GRIP1: variants seen among roughly 807,000 people sequenced by gnomAD.
GRIP1 encodes glutamate receptor interacting protein 1, also known as glutamate receptor-interacting protein 1.
Under a neutral mutation model 129.9 loss-of-function variants are expected in GRIP1, and 45 were observed. That is an observed-to-expected ratio of 0.35 (90% CI 0.27 to 0.44). GRIP1 has a LOEUF of 0.44. GRIP1 is among the 20% of genes least tolerant of loss of function. The pLI is 1.00. For missense variants in GRIP1, 1,196 were observed against 1,396.8 expected (o/e 0.86, Z 2.29); for synonymous variants, 530 against 520.8 (o/e 1.02, Z -0.24).
At chr12:66,660,045 A>T (rs761830271) in intron 1 of GRIP1, among the ~76,000 whole-genome samples, 2 of 152,196 alleles carry the variant, frequency 1.3e-5, no homozygotes, top group African/African-American at 4.8e-5. Context: ...AGAGAGAAAA[A>T]CTAAAGTATC....
At chr12:66,484,316 T>A (rs2138597841) in intron 7 of GRIP1, among the ~76,000 whole-genome samples, 1 of 152,352 alleles carries the variant, frequency 6.6e-6, no homozygotes, top group East Asian at 1.9e-4. Context: ...CTATATTGTA[T>A]TTCATGAGGT....
At chr12:66,369,218 G>A (rs1212366822) in intron 23 of GRIP1, among the ~76,000 whole-genome samples, 2 of 152,022 alleles carry the variant, frequency 1.3e-5, no homozygotes, top group African/African-American at 2.4e-5. Context: ...TGGCTCATGC[G>A]TGTCTGTGAT....
At chr12:66,568,051 T>C (rs1006780193) in intron 2 of GRIP1, 1 of 221,396 alleles carries the variant, frequency 4.5e-6, no homozygotes, top group African/African-American at 2.3e-5. Flanking sequence ...TGAATCTTTC[T>C]GATAAACACT....
intron 1 of GRIP1, among the ~76,000 whole-genome samples, chr12:66,882,462 C>G (rs891509591): frequency 1.3e-5 from 2 of 152,086 alleles, no homozygotes; most frequent in African/African-American, 4.8e-5. Context: ...CGAGCTGAAC[C>G]GAAGCCAATT....
chr12:66,482,958 C>T (rs570968634), intron 7 of GRIP1, among the ~76,000 whole-genome samples: 1 of 152,272 alleles, frequency 6.6e-6, no homozygotes, highest in East Asian at 1.9e-4. Context: ...GAGTGAAGCC[C>T]ATGCATGCTG....
At chr12:66,764,354 C>T (rs1012996450) in intron 1 of GRIP1, among the ~76,000 whole-genome samples, 1 of 152,218 alleles carries the variant, frequency 6.6e-6, no homozygotes. Context: ...ACTGGATCAT[C>T]ACGTTCATAT....
At chr12:66,765,375 T>TTTGAAA (rs1250831337) in intron 1 of GRIP1, among the ~76,000 whole-genome samples, 1 of 152,230 alleles carries the variant, frequency 6.6e-6, no homozygotes, top group Non-Finnish European at 1.5e-5. Flanking sequence ...CTCATCTTCC[T>TTTGAAA]TCACACTCAT....
intron 9 of GRIP1, among the ~76,000 whole-genome samples, chr12:66,461,920 A>G (rs10219665): frequency 0.27 from 40,897 of 152,122 alleles, 6,471 homozygotes; most frequent in African/African-American, 0.43. Flanking sequence ...TTCAAGGAGT[A>G]CAAAGGAATG....
At chr12:66,889,114 G>GT (rs1404928956) in intron 1 of GRIP1, among the ~76,000 whole-genome samples, 4 of 152,182 alleles carry the variant, frequency 2.6e-5, no homozygotes, top group African/African-American at 7.2e-5. Flanking sequence ...TTTCTCTATT[G>GT]TAAGTCTAGT....
chr12:66,671,442 A>C (rs926648187), intron 1 of GRIP1, among the ~76,000 whole-genome samples: 8 of 152,104 alleles, frequency 5.3e-5, no homozygotes, highest in African/African-American at 1.7e-4. Flanking sequence ...CTTTTAAAAA[A>C]TGCTCAGATT....
At chr12:66,841,961 A>G (rs2039725718) in intron 1 of GRIP1, among the ~76,000 whole-genome samples, 2 of 152,198 alleles carry the variant, frequency 1.3e-5, no homozygotes, top group Non-Finnish European at 2.9e-5. Flanking sequence ...TAAGCTTCAT[A>G]ACCCTGGCTA....
At chr12:66,532,130 C>T (rs2061479540) in intron 4 of GRIP1, among the ~76,000 whole-genome samples, 1 of 152,144 alleles carries the variant, frequency 6.6e-6, no homozygotes, top group Non-Finnish European at 1.5e-5. Flanking sequence ...TATTGTTCTC[C>T]ATCATTTACA....
At chr12:66,658,296 G>A (rs2033288285) in intron 1 of GRIP1, among the ~76,000 whole-genome samples, 1 of 152,150 alleles carries the variant, frequency 6.6e-6, no homozygotes, top group Non-Finnish European at 1.5e-5. Context: ...GGTTTGGGAT[G>A]AGGACTCTCT....
Position 66,569,119 on chromosome 12 carries a change from GCTT to G in GRIP1, c.137-27172_137-27170del, listed in dbSNP as rs1373020055. 1.3e-5 allele frequency: 3 copies of G among 226,044 alleles called. No individual in the cohort carries two copies. In the Admixed American group the frequency reaches 1.8e-4, roughly 13 times the overall value. 14.0% of individuals were successfully genotyped at this position (226,044 alleles called of 1,614,324 possible). ...TTGAGAGTTTCAGTTTTCTTTCTCTGCTTATTATCTTTGCAGTTTTGAAGCTTG... is the reference window on the plus strand; with the variant it reads ...TTGAGAGTTTCAGTTTTCTTTCTCTGATTATCTTTGCAGTTTTGAAGCTTG... On this transcript the variant is annotated intron_variant, in intron 2 of 24. Transcript: ENST00000359742.
At chr12:66,888,214 C>T (rs2040598067) in intron 1 of GRIP1, among the ~76,000 whole-genome samples, 1 of 136,050 alleles carries the variant, frequency 7.4e-6, no homozygotes, top group African/African-American at 3.0e-5. Flanking sequence ...CACCATCACA[C>T]CCAGCTAATT....
At chr12:67,014,946 C>T (rs1236764803) in intron 1 of GRIP1, among the ~76,000 whole-genome samples, 4 of 152,068 alleles carry the variant, frequency 2.6e-5, no homozygotes, top group Admixed American at 6.6e-5. Context: ...GAAAGATTTC[C>T]TTCCAGAATG....
At position 66,349,336 on chromosome 12, in the gene GRIP1, G is replaced by A; in HGVS notation, c.3160-90C>T. On this transcript the variant is annotated intron_variant, in intron 24 of 24. Coordinates refer to ENST00000359742, the MANE Select transcript of GRIP1 (RefSeq NM_001366722.1). ...ACATTTCAGGTGCAACAAGTTGTTTGAAGTCATGAAGGTGCTAAAATGAGC... is the reference window on the plus strand; with the variant it reads ...ACATTTCAGGTGCAACAAGTTGTTTAAAGTCATGAAGGTGCTAAAATGAGC... 3 of 1,028,958 alleles carry A rather than the reference G, an allele frequency of 2.9e-6. No homozygotes were observed. The South Asian group carries it at 3.9e-5, about 13-fold the overall frequency. The allele number at this position is 1,028,958 out of a possible 1,614,324, so 63.7% of individuals were successfully genotyped here.
At chr12:66,579,541 C>T (rs1238411088) in intron 2 of GRIP1, among the ~76,000 whole-genome samples, 1 of 152,016 alleles carries the variant, frequency 6.6e-6, no homozygotes, top group Non-Finnish European at 1.5e-5. Flanking sequence ...ACTAGAATAA[C>T]CAATACAGAG....
chr12:67,019,042 G>GT (rs2042827785), intron 1 of GRIP1, among the ~76,000 whole-genome samples: 1 of 152,106 alleles, frequency 6.6e-6, no homozygotes, highest in South Asian at 2.1e-4. Flanking sequence ...CTGATAACAG[G>GT]TTTTTTCACA....
Sources: gnomAD v4.1 joint callset for allele counts (sites outside exome capture counted in the v4.1 genomes callset) on GRCh38, gnomAD v4.1.1 for gene constraint, MANE v1.5 for transcripts, NCBI Gene and HGNC (gene_info 2026-07-23, HGNC 2026-07-21) for gene names.